The following DENND1B variants were observed in gnomAD, a reference collection of about 807,000 sequenced individuals.
DENND1B encodes the protein DENN domain containing 1B.
DENND1B carries 59 observed loss-of-function variants against 90.1 expected under a neutral mutation model. The ratio of observed to expected loss-of-function variants is 0.65; its 90% CI spans 0.53 to 0.81. The LOEUF is 0.81. Ranked by LOEUF, DENND1B falls within the 40% of genes least tolerant of loss-of-function variation. The pLI is 0.00. For missense variants in DENND1B, 862 were observed against 912.6 expected, an observed-to-expected ratio of 0.94 and a Z score of 0.71; for synonymous variants, 337 against 324.6, an observed-to-expected ratio of 1.04 and a Z score of -0.41.
intron 18 of DENND1B, among the ~76,000 whole-genome samples, chr1:197,544,949 A>AGGAGGAAGGAGGAAGGAGGAGGAGGAG (rs1670660053): frequency 5.0e-3 from 4 of 806 alleles, no homozygotes; most frequent in Non-Finnish European, 8.9e-3. Flanking sequence ...AAGGGAGAAG[A>AGGAGGAAGGAGGAAGGAGGAGGAGGAG]GAGAAGGGAG....
chr1:197,695,895 T>A (rs915778689), intron 3 of DENND1B, among the ~76,000 whole-genome samples: 1 of 151,268 alleles, frequency 6.6e-6, no homozygotes, highest in Non-Finnish European at 1.5e-5. Flanking sequence ...TGTCTCAATT[T>A]CAAATAATGA....
intron 10 of DENND1B, among the ~76,000 whole-genome samples, chr1:197,622,326 G>C (rs919722538): frequency 2.0e-5 from 3 of 151,278 alleles, no homozygotes. Flanking sequence ...AAGGCACTAA[G>C]ACAAAGTTCA....
chr1:197,554,652 A>G (rs1281285826), intron 15 of DENND1B, among the ~76,000 whole-genome samples: 1 of 151,518 alleles, frequency 6.6e-6, no homozygotes, highest in Non-Finnish European at 1.5e-5. Flanking sequence ...ATCCTAGCCA[A>G]CATGGTGAAA....
chr1:197,589,170 G>A (rs1674968633), intron 14 of DENND1B, among the ~76,000 whole-genome samples: 1 of 151,828 alleles, frequency 6.6e-6, no homozygotes, highest in South Asian at 2.1e-4. Flanking sequence ...ACAACTTAAG[G>A]CAATAAGAAA....
At chr1:197,680,193 C>T (rs1257263875) in intron 3 of DENND1B, among the ~76,000 whole-genome samples, 1 of 144,250 alleles carries the variant, frequency 6.9e-6, no homozygotes, top group Non-Finnish European at 1.6e-5. Flanking sequence ...TAGAAATTAC[C>T]CAGCTCTATC....
At chr1:197,781,738 G>A in the DENND1B span, among the ~76,000 whole-genome samples, 1 of 152,272 alleles carries the variant, frequency 6.6e-6, no homozygotes, top group East Asian at 1.9e-4. Flanking sequence ...TTAAAATCCA[G>A]TTTAATAAAA....
intron 12 of DENND1B, among the ~76,000 whole-genome samples, chr1:197,611,259 T>C (rs991381525): frequency 6.6e-5 from 10 of 150,962 alleles, no homozygotes; most frequent in African/African-American, 2.2e-4. Context: ...GCCTTTTGCT[T>C]ATTTTATTAG....
chr1:197,715,009 TA>T (rs777093912), intron 3 of DENND1B, 21 bp downstream of exon 3: 6 of 1,591,766 alleles, frequency 3.8e-6, no homozygotes, highest in Non-Finnish European at 5.2e-6. Context: ...TTAAATTTTT[TA>T]AAAAATTATG....
At chr1:197,608,965 T>C (rs1032231969) in intron 12 of DENND1B, among the ~76,000 whole-genome samples, 2 of 150,236 alleles carry the variant, frequency 1.3e-5, no homozygotes, top group African/African-American at 4.9e-5. Flanking sequence ...AAGGAAAAAA[T>C]AGAGTGTAAC....
intron 2 of DENND1B, among the ~76,000 whole-genome samples, chr1:197,716,367 T>C: frequency 6.6e-6 from 1 of 151,780 alleles, no homozygotes; most frequent in East Asian, 1.9e-4. Context: ...TAAAACATCT[T>C]ATATAAGAAT....
chr1:197,618,535 A>G (rs1677866579), intron 10 of DENND1B, among the ~76,000 whole-genome samples: 1 of 151,194 alleles, frequency 6.6e-6, no homozygotes, highest in Non-Finnish European at 1.5e-5. Context: ...TAAGCAGTTA[A>G]TTAAACATTT....
rs1667686897 is a variant in DENND1B at position 197,505,472 on chromosome 1, A to T, written c.*4988T>A. On this transcript the variant is annotated 3_prime_UTR_variant, in exon 23 of 23. Coordinates refer to ENST00000620048, the MANE Select transcript of DENND1B (RefSeq NM_001195215.2). The stretch of plus-strand genomic sequence containing the variant: ...TGACTTTCCAATATTTTAAAATAAA[A>T]GATTGAATAACTTTACTTCATTCAA... 6.6e-6 allele frequency: 1 copy of T among 151,688 alleles called. No individual in the cohort carries two copies. Among genetic ancestry groups the T allele is most frequent in the Non-Finnish European group, 1.5e-5 (1 of 67,764 alleles). The allele number at this position is 151,688 out of a possible 1,614,324, so 9.4% of individuals were successfully genotyped here.
intron 2 of DENND1B, chr1:197,735,683 A>T (rs1476217725): frequency 6.2e-7 from 1 of 1,614,158 alleles, no homozygotes; most frequent in Non-Finnish European, 8.5e-7. Flanking sequence ...TCTACCCCGG[A>T]CACGGGAGGC....
chr1:197,716,492 A>C (rs1158337156), intron 2 of DENND1B, among the ~76,000 whole-genome samples: 2 of 151,830 alleles, frequency 1.3e-5, no homozygotes, highest in Non-Finnish European at 3.0e-5. Context: ...AAAAACACTC[A>C]AACATAAATA....
chr1:197,642,552 C>A (rs16841842), intron 10 of DENND1B, among the ~76,000 whole-genome samples, 159 bp downstream of exon 10: 25,313 of 152,116 alleles, frequency 0.17, 2,599 homozygotes, highest in Middle Eastern at 0.32. Context: ...ATAAATCAGA[C>A]TTTTGTACTT....
chr1:197,736,069 C>A, intron 2 of DENND1B: 1 of 835,092 alleles, frequency 1.2e-6, no homozygotes, highest in Non-Finnish European at 2.0e-6. Context: ...GATTGTGAAG[C>A]CCGTGAAAGT....
rs1046520958 is a variant in DENND1B at position 197,775,085 on chromosome 1, G to A, written c.17+54C>T. 1,264 of 1,190,166 alleles carry A rather than the reference G, an allele frequency of 1.1e-3. 6 individuals carry two copies. The highest frequency in any genetic ancestry group is 7.6e-4 in the Non-Finnish European group (708 of 936,778). The allele number at this position is 1,190,166 out of a possible 1,614,324, so 73.7% of individuals were successfully genotyped here. ...GGCGCGGAGGAGCCGAGCTGGCCTG[G>A]GAGGGGCCGCCGAGGGACGCCCGCC... On this transcript the variant is annotated intron_variant, in intron 1 of 22. Transcript: ENST00000620048.
intron 16 of DENND1B, among the ~76,000 whole-genome samples, chr1:197,550,681 A>G (rs1426582349): frequency 1.1e-4 from 12 of 113,092 alleles, no homozygotes; most frequent in African/African-American, 3.7e-4. Flanking sequence ...GGGGGGGGGG[A>G]GGGATAGCAT....
chr1:197,595,167 TA>T lies in DENND1B; in HGVS notation c.1047+40del, dbSNP rs769726275. ...TTTTCTGTCTCATTCCAAAGAACCA[TA>T]AAAAAGCAAATTAAAACAGTGATGA... On this transcript the variant is annotated intron_variant, in intron 14 of 22. Transcript: ENST00000620048. 1.9e-6 allele frequency: 3 copies of T among 1,574,198 alleles called. No individual in the cohort carries two copies. The African/African-American group carries it at 4.2e-5, about 22-fold the overall frequency.
Sources: allele counts gnomAD v4.1 joint callset (sites outside exome capture counted in the v4.1 genomes callset), GRCh38; gene constraint gnomAD v4.1.1; transcripts MANE v1.5; gene names NCBI Gene and HGNC (gene_info 2026-07-23, HGNC 2026-07-21).